TMEM170B: variants seen among roughly 807,000 people sequenced by gnomAD.
TMEM170B encodes transmembrane protein 170B.
Under a neutral mutation model 13.0 loss-of-function variants are expected in TMEM170B, and 6 were observed. The ratio of observed to expected loss-of-function variants is 0.46; its 90% CI spans 0.25 to 0.91. TMEM170B has a LOEUF of 0.91. Ranked by LOEUF, TMEM170B falls within the 40% of genes least tolerant of loss-of-function variation. The pLI, the probability that TMEM170B is intolerant of heterozygous loss-of-function variation, is 0.17. For synonymous variants in TMEM170B, 61 were observed against 64.9 expected, an observed-to-expected ratio of 0.94 and a Z score of 0.29; for missense variants, 138 against 165.2, an observed-to-expected ratio of 0.84 and a Z score of 0.90.
chr6:11,568,610 A>G lies in TMEM170B; in HGVS notation c.268+2774A>G, dbSNP rs181188557. ...TGCAGTGTTATATTTTTAAATCCTT[A>G]AAAATGTAAGTCTGACACAATTTCA... On this transcript the variant is annotated intron_variant, in intron 2 of 2. Coordinates refer to ENST00000379426, the MANE Select transcript of TMEM170B (RefSeq NM_001100829.3). Among the ~76,000 whole-genome samples, 575 of 152,308 alleles carry G rather than the reference A, an allele frequency of 3.8e-3. 2 individuals carry two copies. The highest frequency in any genetic ancestry group is 0.013 in the African/African-American group (554 of 41,578).
chr6:11,558,686 C>T lies in TMEM170B; in HGVS notation c.98-6980C>T, dbSNP rs75384842. 4.8e-4 allele frequency among the ~76,000 whole-genome samples: 73 copies of T among 152,288 alleles called. 1 individual carries two copies. The highest frequency in any genetic ancestry group is 9.8e-4 in the Non-Finnish European group (67 of 68,032). ...ATCTTGTTAATTTTTTAAAAATTCA[C>T]GTGTGGCGATGACTCTTCTTGGGAC... On this transcript the variant is annotated intron_variant, in intron 1 of 2. Coordinates refer to ENST00000379426, the MANE Select transcript of TMEM170B (RefSeq NM_001100829.3).
intron 1 of TMEM170B, among the ~76,000 whole-genome samples, chr6:11,563,757 G>C (rs531868549): frequency 1.3e-5 from 2 of 152,310 alleles, no homozygotes; most frequent in South Asian, 4.1e-4. Flanking sequence ...TTGAGGCCAG[G>C]GGTTCTAGAC....
chr6:11,570,105 G>T (rs1759781621), intron 2 of TMEM170B, among the ~76,000 whole-genome samples: 1 of 151,958 alleles, frequency 6.6e-6, no homozygotes, highest in African/African-American at 2.4e-5. Context: ...AGGATAATTT[G>T]GGAAGAATTG....
chr6:11,544,523 C>T (rs1361097507), intron 1 of TMEM170B, among the ~76,000 whole-genome samples: 1 of 152,180 alleles, frequency 6.6e-6, no homozygotes, highest in East Asian at 1.9e-4. Flanking sequence ...GGCTTTCTAA[C>T]ATTTTAAGTT....
chr6:11,543,996 CA>C (rs1476899235), intron 1 of TMEM170B, among the ~76,000 whole-genome samples: 2 of 152,148 alleles, frequency 1.3e-5, no homozygotes, highest in Non-Finnish European at 2.9e-5. Flanking sequence ...TAACATTTTA[CA>C]GCCAGAACGA....
chr6:11,582,901 C>G lies in TMEM170B; in HGVS notation c.*7340C>G, dbSNP rs552832080. 2.0e-5 allele frequency: 3 copies of G among 152,178 alleles called. No individual in the cohort carries two copies. In the South Asian group the frequency reaches 6.2e-4, roughly 32 times the overall value. 9.4% of individuals were successfully genotyped at this position (152,178 alleles called of 1,614,324 possible). A position where few individuals can be genotyped will look rare whatever the true frequency, so the allele number is the denominator to read the frequency against. On this transcript the variant is annotated 3_prime_UTR_variant, in exon 3 of 3. Coordinates refer to ENST00000379426, the MANE Select transcript of TMEM170B (RefSeq NM_001100829.3). ...ATGTGTACTGCATGTTTACATAAAA[C>G]AGTTTAATTTTGAAGGATTATTTTA...
At chr6:11,564,711 T>C (rs1170844531) in intron 1 of TMEM170B, among the ~76,000 whole-genome samples, 1 of 152,216 alleles carries the variant, frequency 6.6e-6, no homozygotes, top group Non-Finnish European at 1.5e-5. Context: ...CTCTCTTGTC[T>C]TTGATGGATC....
At chr6:11,550,613 A>G (rs1005223013) in intron 1 of TMEM170B, among the ~76,000 whole-genome samples, 6 of 152,276 alleles carry the variant, frequency 3.9e-5, no homozygotes, top group Admixed American at 6.5e-5. Context: ...AGTAGTTAAC[A>G]TTTCTTTAAC....
intron 1 of TMEM170B, among the ~76,000 whole-genome samples, chr6:11,539,739 G>A (rs1016762629): frequency 6.6e-6 from 1 of 152,172 alleles, no homozygotes; most frequent in African/African-American, 2.4e-5. Context: ...GAATTTAGAG[G>A]TAGACTGCTT....
rs1483787034 is a variant in TMEM170B, at chr6:11,582,134, A to G, written c.*6573A>G. The stretch of plus-strand genomic sequence containing the variant: ...AGCCCCTGACTCTAGTTATTCTGAG[A>G]TGAGGGAATCAACTTTATCTTGAAA... On this transcript the variant is annotated 3_prime_UTR_variant, in exon 3 of 3. Coordinates refer to ENST00000379426, the MANE Select transcript of TMEM170B (RefSeq NM_001100829.3). 6.6e-6 allele frequency: 1 copy of G among 152,216 alleles called. No homozygotes were observed. The highest frequency in any genetic ancestry group is 1.5e-5 in the Non-Finnish European group (1 of 68,024). The allele number at this position is 152,216 out of a possible 1,614,324, so 9.4% of individuals were successfully genotyped here.
Position 11,578,587 on chromosome 6 carries a change from C to T in TMEM170B, c.*3026C>T, listed in dbSNP as rs1279228968. On this transcript the variant is annotated 3_prime_UTR_variant, in exon 3 of 3. Transcript: ENST00000379426. ...CCATGGGACAGTTCCAAGGTAATAG[C>T]CTACCTTGCCTAGGATAAGTGAAGT... The T allele has an allele frequency of 1.3e-5, 2 of 152,228 alleles. No homozygotes were observed. The highest frequency in any genetic ancestry group is 3.9e-4 in the East Asian group (2 of 5,174). The allele number at this position is 152,228 out of a possible 1,614,324, so 9.4% of individuals were successfully genotyped here. A position where few individuals can be genotyped will look rare whatever the true frequency, so the allele number is the denominator to read the frequency against.
intron 1 of TMEM170B, among the ~76,000 whole-genome samples, chr6:11,540,522 C>T (rs2113759399): frequency 6.6e-6 from 1 of 152,308 alleles, no homozygotes; most frequent in Non-Finnish European, 1.5e-5. Context: ...CATCTTCAGG[C>T]TCCACTTCTA....
chr6:11,540,006 G>T (rs1759337727), intron 1 of TMEM170B, among the ~76,000 whole-genome samples: 1 of 152,082 alleles, frequency 6.6e-6, no homozygotes, highest in Admixed American at 6.5e-5. Context: ...ATAGCATTAT[G>T]TCTGAAAAAA....
chr6:11,564,609 G>A (rs1759712109), intron 1 of TMEM170B, among the ~76,000 whole-genome samples: 2 of 152,212 alleles, frequency 1.3e-5, no homozygotes, highest in Admixed American at 6.5e-5. Flanking sequence ...AGTAAAAAGA[G>A]GGATTTTATT....
At chr6:11,556,277 A>T (rs1005269521) in intron 1 of TMEM170B, among the ~76,000 whole-genome samples, 1 of 152,178 alleles carries the variant, frequency 6.6e-6, no homozygotes, top group African/African-American at 2.4e-5. Flanking sequence ...GTTGAGCTGA[A>T]TTTGAATTTT....
At chr6:11,550,850 A>G (rs1234690924) in intron 1 of TMEM170B, among the ~76,000 whole-genome samples, 2 of 152,214 alleles carry the variant, frequency 1.3e-5, no homozygotes, top group African/African-American at 4.8e-5. Context: ...TTTACCATGG[A>G]CATGGTGCTG....
intron 1 of TMEM170B, among the ~76,000 whole-genome samples, chr6:11,554,933 A>T (rs1049781899): frequency 1.5e-4 from 23 of 152,186 alleles, no homozygotes; most frequent in South Asian, 1.2e-3. Context: ...CGTGATTAAA[A>T]ATAAGAAGAA....
intron 1 of TMEM170B, among the ~76,000 whole-genome samples, chr6:11,558,625 T>C (rs1759620362): frequency 6.6e-6 from 1 of 152,204 alleles, no homozygotes; most frequent in African/African-American, 2.4e-5. Context: ...TCCCCACTCT[T>C]ATCGCACCTC....
intron 1 of TMEM170B, among the ~76,000 whole-genome samples, chr6:11,554,531 A>AT (rs1759564480): frequency 6.6e-6 from 1 of 152,086 alleles, no homozygotes; most frequent in Non-Finnish European, 1.5e-5. Context: ...ATATAGAGCA[A>AT]TTTTTGAACT....
Sources: allele counts gnomAD v4.1 joint callset (sites outside exome capture counted in the v4.1 genomes callset), GRCh38; gene constraint gnomAD v4.1.1; transcripts MANE v1.5; gene names NCBI Gene and HGNC (gene_info 2026-07-23, HGNC 2026-07-21).